SLC25A37: variants seen among roughly 807,000 people sequenced by gnomAD.
SLC25A37 encodes solute carrier family 25 member 37.
In SLC25A37, 17 loss-of-function variants were observed where a neutral mutation model predicts 31.0. The ratio of observed to expected loss-of-function variants is 0.55; its 90% CI spans 0.38 to 0.82. The LOEUF (loss-of-function observed/expected upper bound fraction) is 0.82, where lower values mean the gene tolerates loss of function less well. SLC25A37 is among the 40% of genes least tolerant of loss of function. SLC25A37 has a pLI of 0.00. For synonymous variants in SLC25A37, 222 were observed against 193.0 expected (o/e 1.15, Z -1.24); for missense variants, 404 against 465.8 (o/e 0.87, Z 1.22).
intron 1 of SLC25A37, among the ~76,000 whole-genome samples, chr8:23,560,522 C>T (rs925925856): frequency 6.6e-6 from 1 of 152,200 alleles, no homozygotes; most frequent in African/African-American, 2.4e-5. Flanking sequence ...CTGGTGCCAA[C>T]CTCAGTGGGT....
In SLC25A37 at chr8:23,529,283, C is replaced by A; in HGVS notation, c.210+71C>A. 1 of 1,444,176 alleles carries A rather than the reference C, an allele frequency of 6.9e-7. No individual in the cohort carries two copies. The highest frequency in any genetic ancestry group is 9.3e-7 in the Non-Finnish European group (1 of 1,073,926). The allele number at this position is 1,444,176 out of a possible 1,614,324, so 89.5% of individuals were successfully genotyped here. ...CGCGCGCGCGCATTTGCATCCCGCG[C>A]GCCGGCAGCCTCGGGGCAGCGTCCC... On this transcript the variant is annotated intron_variant, in intron 1 of 3. Coordinates refer to ENST00000519973, the MANE Select transcript of SLC25A37 (RefSeq NM_016612.4). This position sits in a 1 kb window ranked among gnomAD's most constrained non-coding sequence, Gnocchi z 4.1.
chr8:23,552,894 A>G (rs1356272346), intron 1 of SLC25A37, among the ~76,000 whole-genome samples: 1 of 152,208 alleles, frequency 6.6e-6, no homozygotes, highest in Non-Finnish European at 1.5e-5. Context: ...GAAAGCTCAC[A>G]GGGAGCCCCA....
At chr8:23,538,717 G>A (rs781407844) in intron 1 of SLC25A37, among the ~76,000 whole-genome samples, 4 of 152,120 alleles carry the variant, frequency 2.6e-5, no homozygotes, top group African/African-American at 4.8e-5. Context: ...CAAAGTAAGC[G>A]TGCTTCCTAT....
At position 23,571,950 on chromosome 8, in the gene SLC25A37, G is replaced by A; in HGVS notation, c.*95G>A. On this transcript the variant is annotated 3_prime_UTR_variant, in exon 4 of 4. Transcript: ENST00000519973. ...CACGTAGATCATTTTTTTTTTGCAG[G>A]GTGCTGCCTATGGGCCCTCTGCTCC... 7.4e-7 allele frequency: 1 copy of A among 1,350,416 alleles called. No homozygotes were observed. Among genetic ancestry groups the A allele is most frequent in the Non-Finnish European group, 1.0e-6 (1 of 985,332 alleles). 83.7% of individuals were successfully genotyped at this position (1,350,416 alleles called of 1,614,324 possible). A position where few individuals can be genotyped will look rare whatever the true frequency, so the allele number is the denominator to read the frequency against.
intron 1 of SLC25A37, among the ~76,000 whole-genome samples, chr8:23,558,142 C>T (rs11778179): frequency 0.16 from 24,445 of 152,180 alleles, 2,192 homozygotes; most frequent in Admixed American, 0.25. Context: ...ACGTGAACTT[C>T]GAACATGGAA....
chr8:23,543,814 G>A (rs903873221), intron 1 of SLC25A37, among the ~76,000 whole-genome samples: 45 of 150,218 alleles, frequency 3.0e-4, no homozygotes, highest in Non-Finnish European at 6.2e-4. Context: ...GGGATTACAG[G>A]CGTGAGCCAC....
chr8:23,553,442 C>G (rs114889745), intron 1 of SLC25A37, among the ~76,000 whole-genome samples: 1 of 149,948 alleles, frequency 6.7e-6, no homozygotes, highest in Admixed American at 6.7e-5. Flanking sequence ...AAACAAAAAA[C>G]AAAAAAAAAA....
rs1002145905 is a variant in SLC25A37 at position 23,566,113 on chromosome 8, A to G, written c.216A>G (p.Arg72=). Residue 72 remains arginine (R), a synonymous_variant, in exon 2 of 4, where the codon CGA becomes CGG. Transcript: ENST00000519973. The stretch of plus-strand genomic sequence containing the variant: ...CTCTTCTTGCCCGCTCCCAGACACG[A>G]ATGCAGAGTTTGAGTCCAGATCCCA... The part of the protein sequence containing the change: ...VMYPVDSVKT[R]MQSLSPDPKA... 1 of 1,584,028 alleles carries G rather than the reference A, an allele frequency of 6.3e-7. No homozygotes were observed. The highest frequency in any genetic ancestry group is 1.4e-5 in the African/African-American group (1 of 73,206).
chr8:23,554,264 C>T (rs748284205), intron 1 of SLC25A37, among the ~76,000 whole-genome samples: 1 of 152,252 alleles, frequency 6.6e-6, no homozygotes, highest in South Asian at 2.1e-4. Context: ...TTCAGGGAAG[C>T]AAGTTGATTG....
intron 1 of SLC25A37, among the ~76,000 whole-genome samples, chr8:23,546,178 G>A (rs981398108): frequency 5.9e-5 from 9 of 151,792 alleles, no homozygotes; most frequent in Non-Finnish European, 1.5e-5. Context: ...GTGCACACCT[G>A]TAGTCCCAGC....
chr8:23,559,561 A>G (rs969333751), intron 1 of SLC25A37, among the ~76,000 whole-genome samples: 2 of 152,198 alleles, frequency 1.3e-5, no homozygotes, highest in South Asian at 2.1e-4. Context: ...CATTCATACT[A>G]TTACACAACC....
At chr8:23,532,220 T>C (rs922775574) in intron 1 of SLC25A37, among the ~76,000 whole-genome samples, 1 of 152,206 alleles carries the variant, frequency 6.6e-6, no homozygotes, top group African/African-American at 2.4e-5. Context: ...TGGTGGGATG[T>C]GAGCACTCAT....
chr8:23,534,630 C>G (rs929526834), intron 1 of SLC25A37, among the ~76,000 whole-genome samples: 3 of 152,184 alleles, frequency 2.0e-5, no homozygotes, highest in Admixed American at 2.0e-4. Context: ...GGAGCATGGA[C>G]CCTTGAGTCC....
intron 1 of SLC25A37, among the ~76,000 whole-genome samples, chr8:23,552,756 C>A (rs1802261713): frequency 6.6e-6 from 1 of 152,134 alleles, no homozygotes; most frequent in Non-Finnish European, 1.5e-5. Context: ...GGATTTTCAG[C>A]AAAATATGGT....
At chr8:23,566,822 G>A (rs568386742) in intron 2 of SLC25A37, 2 of 986,008 alleles carry the variant, frequency 2.0e-6, no homozygotes, top group African/African-American at 3.5e-5. Context: ...AGGTCAAGAA[G>A]TTTTATGGCT....
At chr8:23,569,463 C>A (rs1057045585) in intron 3 of SLC25A37, among the ~76,000 whole-genome samples, 2 of 151,900 alleles carry the variant, frequency 1.3e-5, no homozygotes, top group African/African-American at 4.8e-5. Flanking sequence ...CTTATCGATC[C>A]TAGACAAATG....
At chr8:23,542,211 C>T (rs1254016649) in intron 1 of SLC25A37, among the ~76,000 whole-genome samples, 1 of 152,066 alleles carries the variant, frequency 6.6e-6, no homozygotes, top group African/African-American at 2.4e-5. Flanking sequence ...GCATTTCGCC[C>T]GTGTTTGGGA....
In SLC25A37 at chr8:23,560,925, AAAAG is replaced by A. The variant is rs1349082024; in HGVS notation, c.211-5180_211-5177del. ...CAAGCAGGAGGGAGAGAAGAAAAAT[AAAAG>A]AAGGAAGGGTAGGCATTAGGCAAGT... is the stretch of plus-strand genomic sequence containing the variant. On this transcript the variant is annotated intron_variant, in intron 1 of 3. Transcript: ENST00000519973. Among the ~76,000 whole-genome samples, 18 of 152,148 alleles carry A rather than the reference AAAAG, an allele frequency of 1.2e-4. 1 individual carries two copies. The highest frequency in any genetic ancestry group is 3.9e-4 in the East Asian group (2 of 5,172).
intron 1 of SLC25A37, among the ~76,000 whole-genome samples, chr8:23,548,621 C>A (rs970298912): frequency 3.3e-5 from 5 of 152,094 alleles, no homozygotes; most frequent in African/African-American, 1.2e-4. Flanking sequence ...CAGGCATACA[C>A]CACCACACCC....
Sources: allele counts gnomAD v4.1 joint callset (sites outside exome capture counted in the v4.1 genomes callset), GRCh38; gene constraint gnomAD v4.1.1; non-coding constraint Gnocchi (gnomAD v3.1); transcripts MANE v1.5; gene names NCBI Gene and HGNC (gene_info 2026-07-23, HGNC 2026-07-21).